Variants in DLGAP4 observed in about 807,000 individuals in gnomAD.
The protein encoded by DLGAP4 is DLG associated protein 4.
In DLGAP4, 18 loss-of-function variants were observed where a neutral mutation model predicts 86.9. The ratio of observed to expected loss-of-function variants is 0.21; its 90% CI spans 0.14 to 0.31. DLGAP4 has a LOEUF of 0.31. DLGAP4 is among the 10% of genes least tolerant of loss of function. The probability of loss-of-function intolerance (pLI) is 1.00; values close to 1 mark genes in which losing one functional copy is unlikely to be tolerated. For missense variants in DLGAP4, 1,085 were observed against 1,362.6 expected, an observed-to-expected ratio of 0.80 and a Z score of 3.21; for synonymous variants, 548 against 574.3, an observed-to-expected ratio of 0.95 and a Z score of 0.65.
intron 7 of DLGAP4, chr20:36,462,289 C>T: frequency 7.6e-7 from 1 of 1,317,860 alleles, no homozygotes; most frequent in Non-Finnish European, 9.6e-7. Flanking sequence ...TCTCCTTGTT[C>T]TCTCTCAGGT....
At chr20:36,472,964 C>T (rs1024319568) in intron 7 of DLGAP4, among the ~76,000 whole-genome samples, 4 of 152,122 alleles carry the variant, frequency 2.6e-5, no homozygotes, top group Admixed American at 6.5e-5. Flanking sequence ...CTGGCCTGGC[C>T]CACTGCTGTC....
chr20:36,466,166 G>A (rs2034342590), intron 7 of DLGAP4, among the ~76,000 whole-genome samples: 1 of 152,238 alleles, frequency 6.6e-6, no homozygotes. Flanking sequence ...TGCTGGTGCT[G>A]AGAGCCTGTC....
intron 1 of DLGAP4, among the ~76,000 whole-genome samples, chr20:36,357,608 C>T (rs1202034470): frequency 6.6e-6 from 1 of 152,126 alleles, no homozygotes; most frequent in Non-Finnish European, 1.5e-5. Flanking sequence ...TTCCAAGGCC[C>T]AAAGACCCCA....
intron 2 of DLGAP4, among the ~76,000 whole-genome samples, chr20:36,386,791 G>A (rs1391190728): frequency 6.6e-6 from 1 of 152,164 alleles, no homozygotes; most frequent in Non-Finnish European, 1.5e-5. Context: ...TCACTGTGTT[G>A]CCAGGGCTGG....
chr20:36,514,059 A>G (rs1600696005), intron 10 of DLGAP4, among the ~76,000 whole-genome samples: 1 of 152,194 alleles, frequency 6.6e-6, no homozygotes, highest in Admixed American at 6.5e-5. Flanking sequence ...AAGCTGTCTA[A>G]AGACTGATCC....
chr20:36,499,153 C>G, intron 8 of DLGAP4: 1 of 1,291,710 alleles, frequency 7.7e-7, no homozygotes, highest in Non-Finnish European at 1.1e-6. Context: ...TTCAACTACA[C>G]CAGATAACGG....
intron 7 of DLGAP4, among the ~76,000 whole-genome samples, chr20:36,453,616 G>A (rs1177282989): frequency 6.6e-6 from 1 of 151,956 alleles, no homozygotes; most frequent in East Asian, 1.9e-4. Context: ...CTGGGTAACA[G>A]AATGAGACTC....
chr20:36,357,220 C>A (rs2030360252), intron 1 of DLGAP4, among the ~76,000 whole-genome samples: 1 of 152,198 alleles, frequency 6.6e-6, no homozygotes, highest in Non-Finnish European at 1.5e-5. Context: ...CACAGACCAG[C>A]ACCTGACTTG....
intron 4 of DLGAP4, among the ~76,000 whole-genome samples, chr20:36,437,701 T>A (rs2147555703): frequency 6.6e-6 from 1 of 152,224 alleles, no homozygotes; most frequent in South Asian, 2.1e-4. Flanking sequence ...CAAGGCTTCA[T>A]GGAGGAGGTG....
At position 36,439,844 on chromosome 20, in the gene DLGAP4, C is replaced by T. The variant is rs961571945; in HGVS notation, c.1332C>T (p.Leu444=). Residue 444 remains leucine, a synonymous_variant, in exon 5 of 13, where the codon CTC becomes CTT. Transcript: ENST00000339266. The part of the protein sequence containing the change: ...EEDYTPVSDS[L]NDSSCISQIF... Reference sequence around the variant, plus strand: ...ACTACACCCCCGTCAGCGACAGCCTCAACGACTCCAGCTGCATCAGCCAGG... The same window carrying T: ...ACTACACCCCCGTCAGCGACAGCCTTAACGACTCCAGCTGCATCAGCCAGG... 3.1e-6 allele frequency: 5 copies of T among 1,613,466 alleles called. No homozygotes were observed. In the African/African-American group the frequency reaches 6.7e-5, roughly 22 times the overall value.
intron 7 of DLGAP4, among the ~76,000 whole-genome samples, chr20:36,449,249 A>G (rs2033673933): frequency 6.6e-6 from 1 of 151,926 alleles, no homozygotes; most frequent in African/African-American, 2.4e-5. Context: ...CCTCCTCGCC[A>G]CTCAGCTTCT....
In DLGAP4 at chr20:36,342,742, C is replaced by T. The variant is rs2065396705; in HGVS notation, c.-303-24303C>T. 2.0e-5 allele frequency among the ~76,000 whole-genome samples: 3 copies of T among 152,196 alleles called. No individual in the cohort carries two copies. The South Asian group carries it at 6.2e-4, about 32-fold the overall frequency. ...GGGAAACTGAGGCCCATGGAGGGGCCTTTGCTGGCAGAGAGGCCCTCTAGT... is the reference window on the plus strand; with the variant it reads ...GGGAAACTGAGGCCCATGGAGGGGCTTTTGCTGGCAGAGAGGCCCTCTAGT... On this transcript the variant is annotated intron_variant, in intron 1 of 12. Coordinates refer to ENST00000339266, the MANE Select transcript of DLGAP4 (RefSeq NM_001365621.2).
At chr20:36,329,578 C>T (rs1555891319) in intron 1 of DLGAP4, among the ~76,000 whole-genome samples, 3 of 152,194 alleles carry the variant, frequency 2.0e-5, no homozygotes, top group African/African-American at 7.2e-5. Flanking sequence ...GACACTTCCT[C>T]TCTATCCCTG....
At chr20:36,415,324 C>G (rs1260562323) in intron 2 of DLGAP4, among the ~76,000 whole-genome samples, 2 of 151,932 alleles carry the variant, frequency 1.3e-5, no homozygotes, top group African/African-American at 4.8e-5. Flanking sequence ...CCAGAGAGCG[C>G]TGGCCTAGGA....
At chr20:36,457,709 G>T (rs1225457089) in intron 7 of DLGAP4, among the ~76,000 whole-genome samples, 1 of 150,402 alleles carries the variant, frequency 6.6e-6, no homozygotes, top group Non-Finnish European at 1.5e-5. Flanking sequence ...TAGAGATGGG[G>T]TTTCACCGTG....
At chr20:36,351,586 T>C (rs2147389567) in intron 1 of DLGAP4, among the ~76,000 whole-genome samples, 1 of 152,176 alleles carries the variant, frequency 6.6e-6, no homozygotes, top group African/African-American at 2.4e-5. Flanking sequence ...TATTTCATTA[T>C]ATATTACAAT....
chr20:36,362,855 A>G (rs1458376958), intron 1 of DLGAP4, among the ~76,000 whole-genome samples: 2 of 152,176 alleles, frequency 1.3e-5, no homozygotes, highest in African/African-American at 4.8e-5. Context: ...TAGCAGACAC[A>G]CAGGTCACAC....
chr20:36,326,996 CTTT>C (rs377378667), intron 1 of DLGAP4, among the ~76,000 whole-genome samples: 2 of 99,474 alleles, frequency 2.0e-5, no homozygotes, highest in Non-Finnish European at 1.9e-5. Context: ...AAGATTTTCT[CTTT>C]TTTTTTTTTT....
At position 36,496,995 on chromosome 20, in the gene DLGAP4, G is replaced by A. The variant is rs774826883; in HGVS notation, c.1939G>A (p.Gly647Arg). Residue 647 changes from glycine to arginine, a missense_variant, in exon 8 of 13, where the codon GGG becomes AGG. Physicochemically the swap from Gly to Arg is moderately radical, Grantham distance 125 (BLOSUM62 -2). Transcript: ENST00000339266. ...ACATGCAGCTCTGAAAAGTGAACAA[G>A]GGACGCTGACCAGCTCTGAGTCCCA... ...PKHAALKSEQ[G>R]TLTSSESHPE... 1.1e-5 allele frequency: 18 copies of A among 1,614,036 alleles called. No homozygotes were observed. In the South Asian group the frequency reaches 2.0e-4, roughly 18 times the overall value.
Sources: gnomAD v4.1 joint callset for allele counts (sites outside exome capture counted in the v4.1 genomes callset) on GRCh38, gnomAD v4.1.1 for gene constraint, MANE v1.5 for transcripts, NCBI Gene and HGNC (gene_info 2026-07-23, HGNC 2026-07-21) for gene names.